Variants in TSHZ2 observed in about 807,000 individuals in gnomAD.
TSHZ2 encodes teashirt zinc finger homeobox 2.
In TSHZ2, 21 loss-of-function variants were observed where a neutral mutation model predicts 74.4. The observed-to-expected ratio is 0.28, with a 90% CI of 0.20 to 0.41. TSHZ2 has a LOEUF of 0.41. Ranked by LOEUF, TSHZ2 falls within the 10% of genes least tolerant of loss-of-function variation. The pLI is 1.00. For missense variants in TSHZ2, 1,244 were observed against 1,293.5 expected, an observed-to-expected ratio of 0.96 and a Z score of 0.59; for synonymous variants, 540 against 515.3, an observed-to-expected ratio of 1.05 and a Z score of -0.65.
chr20:53,190,987 A>G (rs1988723901), intron 1 of TSHZ2, among the ~76,000 whole-genome samples: 1 of 152,176 alleles, frequency 6.6e-6, no homozygotes, highest in South Asian at 2.1e-4. Context: ...TCTGCTAATG[A>G]ATGCTAAAGA....
At chr20:53,025,148 T>C (rs1422583079) in intron 1 of TSHZ2, among the ~76,000 whole-genome samples, 1 of 149,860 alleles carries the variant, frequency 6.7e-6, no homozygotes, top group Admixed American at 6.6e-5. Flanking sequence ...TTAAAGACTA[T>C]ATATTATTAT....
intron 1 of TSHZ2, among the ~76,000 whole-genome samples, chr20:52,976,944 GATGAATAATGCAGATTTTGTTTTC>G (rs1981362263): frequency 6.6e-6 from 1 of 152,196 alleles, no homozygotes; most frequent in African/African-American, 2.4e-5. Context: ...TTAATATGGA[GATGAATAATGCAGATTTTGTTTTC>G]ATGAATGTCC....
chr20:53,266,930 C>A (rs879374849), intron 2 of TSHZ2, among the ~76,000 whole-genome samples: 1 of 152,034 alleles, frequency 6.6e-6, no homozygotes, highest in African/African-American at 2.4e-5. Context: ...GGTGCCACCA[C>A]CACACTCAGC....
intron 1 of TSHZ2, among the ~76,000 whole-genome samples, chr20:53,099,443 C>T (rs779378392): frequency 5.9e-4 from 78 of 133,230 alleles, no homozygotes; most frequent in Admixed American, 9.6e-4. Flanking sequence ...TAAAAATGGT[C>T]CCTCTCTGAT....
chr20:53,430,396 C>T (rs890148594), intron 2 of TSHZ2, among the ~76,000 whole-genome samples: 2 of 151,852 alleles, frequency 1.3e-5, no homozygotes, highest in Non-Finnish European at 2.9e-5. Flanking sequence ...TGAGCCACTG[C>T]ACCCGGCCAA....
chr20:53,384,374 C>T (rs1337717826), intron 2 of TSHZ2, among the ~76,000 whole-genome samples: 1 of 152,216 alleles, frequency 6.6e-6, no homozygotes, highest in Non-Finnish European at 1.5e-5. Context: ...CTTTTAGCCA[C>T]ACGCAGACCC....
At chr20:53,176,634 AC>A in intron 1 of TSHZ2, among the ~76,000 whole-genome samples, 1 of 152,128 alleles carries the variant, frequency 6.6e-6, no homozygotes, top group African/African-American at 2.4e-5. Flanking sequence ...GATTTAATCA[AC>A]ATTGTTATCT....
At chr20:53,455,391 G>C (rs898990342) in intron 2 of TSHZ2, 1 of 152,018 alleles carries the variant, frequency 6.6e-6, no homozygotes, top group Non-Finnish European at 1.5e-5. Context: ...ACCCAGTAAT[G>C]GGCCTGAAGC....
chr20:53,166,701 G>T (rs1007468285), intron 1 of TSHZ2, among the ~76,000 whole-genome samples: 2 of 152,258 alleles, frequency 1.3e-5, no homozygotes, highest in Admixed American at 1.3e-4. Flanking sequence ...AGCCTGGGAA[G>T]TAGAGGTTTC....
At chr20:53,340,530 G>C (rs192584786) in intron 2 of TSHZ2, among the ~76,000 whole-genome samples, 1 of 152,168 alleles carries the variant, frequency 6.6e-6, no homozygotes, top group Non-Finnish European at 1.5e-5. Context: ...AATGTGCAAT[G>C]AGCCCTATAT....
rs113376847 is a variant in TSHZ2 at position 53,277,460 on chromosome 20, GA to G, written c.*8+20900del. Among the ~76,000 whole-genome samples the G allele has an allele frequency of 4.9e-4, 71 of 146,090 alleles. No individual in the cohort carries two copies. In the East Asian group the frequency reaches 5.8e-3, roughly 12 times the overall value. ...AAAAAACCAAAAAACTAAAAAACAGGAAAAAAAAAAACAAGGAATATAACAG... is the reference window on the plus strand; with the variant it reads ...AAAAAACCAAAAAACTAAAAAACAGGAAAAAAAAAACAAGGAATATAACAG... On this transcript the variant is annotated intron_variant, in intron 2 of 2. Coordinates refer to ENST00000371497, the MANE Select transcript of TSHZ2 (RefSeq NM_173485.6).
intron 2 of TSHZ2, among the ~76,000 whole-genome samples, chr20:53,448,611 A>G (rs961982557): frequency 6.6e-6 from 1 of 151,586 alleles, no homozygotes; most frequent in Non-Finnish European, 1.5e-5. Flanking sequence ...ATGTTGATTT[A>G]TCTTATTACT....
chr20:53,483,589 G>A (rs1246107387), intron 2 of TSHZ2, among the ~76,000 whole-genome samples: 1 of 152,104 alleles, frequency 6.6e-6, no homozygotes, highest in East Asian at 1.9e-4. Flanking sequence ...TGTCATGAAG[G>A]TATTTTTCAG....
intron 1 of TSHZ2, among the ~76,000 whole-genome samples, chr20:53,225,913 T>A (rs1229682612): frequency 6.6e-6 from 1 of 152,106 alleles, no homozygotes; most frequent in African/African-American, 2.4e-5. Context: ...ATTTGGAAAA[T>A]AAGTGAAAAA....
chr20:53,167,571 G>C (rs767240168), intron 1 of TSHZ2, among the ~76,000 whole-genome samples: 1 of 152,050 alleles, frequency 6.6e-6, no homozygotes, highest in Non-Finnish European at 1.5e-5. Context: ...GCTTGTTTGT[G>C]TGTGTGTGTG....
intron 1 of TSHZ2, among the ~76,000 whole-genome samples, chr20:53,002,282 G>C (rs1448625094): frequency 6.6e-6 from 1 of 152,214 alleles, no homozygotes; most frequent in Admixed American, 6.5e-5. Context: ...TACCTAGCCA[G>C]GGGTACCTGA....
intron 1 of TSHZ2, among the ~76,000 whole-genome samples, chr20:53,157,547 C>T (rs922267108): frequency 1.3e-5 from 2 of 151,956 alleles, no homozygotes; most frequent in Non-Finnish European, 2.9e-5. Flanking sequence ...ACTAAGACTA[C>T]AGGTGCGCAC....
At chr20:53,222,707 C>G (rs1276932672) in intron 1 of TSHZ2, among the ~76,000 whole-genome samples, 1 of 152,164 alleles carries the variant, frequency 6.6e-6, no homozygotes, top group Non-Finnish European at 1.5e-5. Flanking sequence ...TGAAGTTAGC[C>G]AAATGCCCAG....
chr20:52,972,536 C>CTG lies in TSHZ2; in HGVS notation c.-745_-744dup, dbSNP rs1360266613. 68 of 150,808 alleles carry CTG rather than the reference C, an allele frequency of 4.5e-4. No homozygotes were observed. The highest frequency in any genetic ancestry group is 5.9e-4 in the African/African-American group (24 of 40,776). 9.3% of individuals were successfully genotyped at this position (150,808 alleles called of 1,614,324 possible). A position where few individuals can be genotyped will look rare whatever the true frequency, so the allele number is the denominator to read the frequency against. On this transcript the variant is annotated 5_prime_UTR_variant, in exon 1 of 3. It introduces an in-frame stop codon into an upstream open reading frame of the 5' UTR. Coordinates refer to ENST00000371497, the MANE Select transcript of TSHZ2 (RefSeq NM_173485.6). The stretch of plus-strand genomic sequence containing the variant: ...CGTGTGTGAGTGTCTGTGTGTGTGT[C>CTG]TGTGTGTGTGTGTGAGTGAGTGAAT...
Sources: gnomAD v4.1 joint callset for allele counts (sites outside exome capture counted in the v4.1 genomes callset) on GRCh38, gnomAD v4.1.1 for gene constraint, MANE v1.5 for transcripts, NCBI Gene and HGNC (gene_info 2026-07-23, HGNC 2026-07-21) for gene names.